FAM184A: variants seen among roughly 807,000 people sequenced by gnomAD.
FAM184A encodes family with sequence similarity 184 member A.
Under a neutral mutation model 143.8 loss-of-function variants are expected in FAM184A, and 99 were observed. The observed-to-expected ratio is 0.69, with a 90% CI of 0.58 to 0.81. The LOEUF (loss-of-function observed/expected upper bound fraction) is 0.81, where lower values mean the gene tolerates loss of function less well. FAM184A is among the 40% of genes least tolerant of loss of function. The probability of loss-of-function intolerance (pLI) is 0.00; values close to 1 mark genes in which losing one functional copy is unlikely to be tolerated. For missense variants in FAM184A, 1,217 were observed against 1,310.5 expected (o/e 0.93, Z 1.10); for synonymous variants, 427 against 446.4 (o/e 0.96, Z 0.55).
At chr6:119,075,604 C>T (rs1787844952) in intron 1 of FAM184A, among the ~76,000 whole-genome samples, 1 of 152,040 alleles carries the variant, frequency 6.6e-6, no homozygotes, top group East Asian at 1.9e-4. Context: ...TGACTTCTTT[C>T]CAAAAGAAAT....
intron 1 of FAM184A, among the ~76,000 whole-genome samples, chr6:119,064,804 C>T (rs1269337492): frequency 6.6e-6 from 1 of 152,178 alleles, no homozygotes; most frequent in Middle Eastern, 3.2e-3. Flanking sequence ...CTCTGGTCAG[C>T]TCTTTCCTTC....
intron 1 of FAM184A, among the ~76,000 whole-genome samples, chr6:119,040,451 ACT>A (rs1314846566): frequency 4.6e-5 from 7 of 151,952 alleles, no homozygotes; most frequent in Admixed American, 1.3e-4. Context: ...GGCCAGAGTG[ACT>A]CTGCTCCGCC....
intron 1 of FAM184A, among the ~76,000 whole-genome samples, chr6:119,034,321 G>A (rs1370687775): frequency 3.3e-5 from 5 of 151,558 alleles, no homozygotes; most frequent in Non-Finnish European, 7.4e-5. Context: ...TTGAAAATAA[G>A]TTGCAGCTAT....
chr6:119,091,788 G>A lies in FAM184A; in HGVS notation c.-202+57290C>T, dbSNP rs955435261. On this transcript the variant is annotated intron_variant, in intron 1 of 16. Coordinates refer to the FAM184A transcript ENST00000352896. ...TAAGTTCTTGGCTAGTGTCCTTGAA[G>A]GTTGGTACTCTGCTGAATGTGTGTT... is the stretch of plus-strand genomic sequence containing the variant. 2.0e-5 allele frequency among the ~76,000 whole-genome samples: 3 copies of A among 152,214 alleles called. No homozygotes were observed. In the South Asian group the frequency reaches 6.2e-4, roughly 32 times the overall value.
At chr6:119,138,020 T>G (rs1772081892) in intron 1 of FAM184A, among the ~76,000 whole-genome samples, 1 of 152,208 alleles carries the variant, frequency 6.6e-6, no homozygotes, top group Non-Finnish European at 1.5e-5. Flanking sequence ...GCTATATGAA[T>G]TTAGGGAAAT....
At chr6:118,973,579 G>GATATATATATATTTGA (rs1554264775) in intron 14 of FAM184A, among the ~76,000 whole-genome samples, 1 of 151,928 alleles carries the variant, frequency 6.6e-6, no homozygotes, top group African/African-American at 2.4e-5. Flanking sequence ...GAAGTATGTG[G>GATATATATATATTTGA]ATATATATAT....
chr6:119,064,413 A>G (rs1787367584), intron 1 of FAM184A, among the ~76,000 whole-genome samples: 1 of 152,170 alleles, frequency 6.6e-6, no homozygotes, highest in Non-Finnish European at 1.5e-5. Context: ...AAAGCATTCA[A>G]ACTGAGGCTG....
chr6:119,028,408 C>T (rs1468877410), intron 1 of FAM184A, among the ~76,000 whole-genome samples: 1 of 152,192 alleles, frequency 6.6e-6, no homozygotes, highest in Non-Finnish European at 1.5e-5. Flanking sequence ...AGGAACCCAT[C>T]ATGTGACTAT....
chr6:118,986,335 CTTATTA>C (rs1466940727), intron 9 of FAM184A, among the ~76,000 whole-genome samples: 2 of 152,104 alleles, frequency 1.3e-5, no homozygotes, highest in East Asian at 3.9e-4. Context: ...CAATCATCCT[CTTATTA>C]TTAACTAAAA....
intron 1 of FAM184A, among the ~76,000 whole-genome samples, chr6:119,117,205 G>A (rs1441536109): frequency 1.3e-5 from 2 of 152,192 alleles, no homozygotes; most frequent in African/African-American, 2.4e-5. Context: ...GTGTGTAAGG[G>A]TGAGAGAGAG....
At chr6:119,139,085 C>T (rs1772121280) in intron 1 of FAM184A, among the ~76,000 whole-genome samples, 1 of 152,160 alleles carries the variant, frequency 6.6e-6, no homozygotes, top group Non-Finnish European at 1.5e-5. Context: ...ACGTGGACCT[C>T]TCTGGGGATG....
intron 15 of FAM184A, among the ~76,000 whole-genome samples, chr6:118,965,921 A>G (rs1447101226): frequency 2.0e-5 from 3 of 152,180 alleles, no homozygotes; most frequent in Admixed American, 1.3e-4. Context: ...TGCTGCTACC[A>G]GATGCAGCAA....
intron 1 of FAM184A, among the ~76,000 whole-genome samples, chr6:119,063,362 T>C (rs371855324): frequency 9.8e-5 from 15 of 152,336 alleles, no homozygotes; most frequent in African/African-American, 3.6e-4. Context: ...ATATATTCCA[T>C]ATTATTAGCC....
At chr6:119,073,138 AG>A (rs1787753980) in intron 1 of FAM184A, among the ~76,000 whole-genome samples, 1 of 152,244 alleles carries the variant, frequency 6.6e-6, no homozygotes, top group Admixed American at 6.5e-5. Context: ...ATCAAGTAAG[AG>A]GTACCAACAA....
chr6:118,986,474 C>CAGGT (rs767361953), intron 9 of FAM184A, among the ~76,000 whole-genome samples: 34 of 152,156 alleles, frequency 2.2e-4, no homozygotes, highest in Non-Finnish European at 4.4e-4. Context: ...AGGGAGTGGG[C>CAGGT]AGGTGCTCAT....
intron 1 of FAM184A, among the ~76,000 whole-genome samples, chr6:119,051,658 C>A (rs1786771229): frequency 6.6e-6 from 1 of 150,836 alleles, no homozygotes; most frequent in Admixed American, 6.6e-5. Flanking sequence ...TATGTACCCA[C>A]AAAATTTTTT....
At chr6:119,107,632 G>T (rs13191250) in intron 1 of FAM184A, among the ~76,000 whole-genome samples, 56,275 of 151,938 alleles carry the variant, frequency 0.37, 12,430 homozygotes, top group East Asian at 0.56. Context: ...AAATAAATTA[G>T]CTGGGCATGG....
At position 118,976,368 on chromosome 6, in the gene FAM184A, G is replaced by A. The variant is rs559095195; in HGVS notation, c.2456-324C>T. Among the ~76,000 whole-genome samples, 135 of 152,066 alleles carry A rather than the reference G, an allele frequency of 8.9e-4. 1 individual carries two copies. The highest frequency in any genetic ancestry group is 1.5e-3 in the Non-Finnish European group (101 of 67,962). ...TTTAATTCGTCTCTTTCACTATTAG[G>A]ATAATAAAATTTGGTCAAGCACGGG... On this transcript the variant is annotated intron_variant, in intron 11 of 17. Transcript: ENST00000338891.
chr6:119,106,163 C>T (rs1027433251), intron 1 of FAM184A, among the ~76,000 whole-genome samples: 15 of 152,058 alleles, frequency 9.9e-5, no homozygotes, highest in East Asian at 1.9e-4. Context: ...GAGGCCGAGG[C>T]GGGCGGATCA....
Sources: gnomAD v4.1 joint callset for allele counts (sites outside exome capture counted in the v4.1 genomes callset) on GRCh38, gnomAD v4.1.1 for gene constraint, MANE v1.5 for transcripts, NCBI Gene and HGNC (gene_info 2026-07-23, HGNC 2026-07-21) for gene names.